Variants in EPB41 observed in about 807,000 individuals in gnomAD.
The protein encoded by EPB41 is erythrocyte membrane protein band 4.1.
Under a neutral mutation model 108.0 loss-of-function variants are expected in EPB41, and 65 were observed. The ratio of observed to expected loss-of-function variants is 0.60; its 90% CI spans 0.49 to 0.74. EPB41 has a LOEUF of 0.74. Among genes scored for constraint, EPB41 ranks in the 30% least tolerant of loss-of-function variants. The pLI is 0.00. For synonymous variants in EPB41, 336 were observed against 358.9 expected (o/e 0.94, Z 0.72); for missense variants, 875 against 1,037.0 (o/e 0.84, Z 2.15).
Position 28,943,805 on chromosome 1 carries a change from G to C in EPB41, c.-8+29037G>C, listed in dbSNP as rs982918605. ...ATAACCATTTTGGAGAAGTTTGGAG[G>C]TTCCTCAAAAGACTAAATATTGAGC... On this transcript the variant is annotated intron_variant, in intron 1 of 20. Transcript: ENST00000343067. 3.9e-5 allele frequency among the ~76,000 whole-genome samples: 6 copies of C among 152,266 alleles called. No individual in the cohort carries two copies. The East Asian group carries it at 1.2e-3, about 29-fold the overall frequency.
In EPB41 at chr1:29,118,101, T is replaced by TG. The variant is rs1273724115; in HGVS notation, c.*1293dup. On this transcript the variant is annotated 3_prime_UTR_variant, in exon 21 of 21. Coordinates refer to ENST00000343067, the MANE Select transcript of EPB41 (RefSeq NM_001376013.1). ...GATGCCCTAATTCCTGGTAAGGATT[T>TG]GGGGCATAGTTTTTTGTTTTTTTGA... 1 of 152,210 alleles carries TG rather than the reference T, an allele frequency of 6.6e-6. No homozygotes were observed. Among genetic ancestry groups the TG allele is most frequent in the African/African-American group, 2.4e-5 (1 of 41,436 alleles). 9.4% of individuals were successfully genotyped at this position (152,210 alleles called of 1,614,324 possible).
intron 1 of EPB41, among the ~76,000 whole-genome samples, chr1:28,895,223 G>C (rs1010604437): frequency 2.0e-5 from 3 of 152,176 alleles, no homozygotes; most frequent in Non-Finnish European, 2.9e-5. Flanking sequence ...ACATCCCACT[G>C]TGGCCCAGGG....
intron 18 of EPB41, among the ~76,000 whole-genome samples, chr1:29,110,028 A>T (rs1158778547): frequency 6.8e-6 from 1 of 147,470 alleles, no homozygotes; most frequent in Non-Finnish European, 1.5e-5. Context: ...AGCAGACTCT[A>T]TCTCAATAGA....
intron 1 of EPB41, among the ~76,000 whole-genome samples, chr1:28,972,419 A>C (rs2095516233): frequency 6.6e-6 from 1 of 152,244 alleles, no homozygotes; most frequent in Admixed American, 6.5e-5. Flanking sequence ...TCTCTAGAGA[A>C]GTAAAGAATG....
At position 28,968,912 on chromosome 1, in the gene EPB41, C is replaced by T. The variant is rs555881740; in HGVS notation, c.-7-18519C>T. Among the ~76,000 whole-genome samples, 6 of 151,336 alleles carry T rather than the reference C, an allele frequency of 4.0e-5. No homozygotes were observed. The South Asian group carries it at 1.3e-3, about 32-fold the overall frequency. On this transcript the variant is annotated intron_variant, in intron 1 of 20. Transcript: ENST00000343067. ...CCTGGGAGGCAGAAGTTACAGTGAGCTGAGATCGCACCACTGGACTCCAGC... is the reference window on the plus strand; with the variant it reads ...CCTGGGAGGCAGAAGTTACAGTGAGTTGAGATCGCACCACTGGACTCCAGC...
At chr1:29,043,838 A>G (rs1642380528) in intron 11 of EPB41, among the ~76,000 whole-genome samples, 1 of 152,226 alleles carries the variant, frequency 6.6e-6, no homozygotes, top group Non-Finnish European at 1.5e-5. Context: ...GACAGCCTGG[A>G]CTTGAGTGTT....
chr1:29,031,641 C>G (rs2096790379), intron 8 of EPB41: 1 of 152,210 alleles, frequency 6.6e-6, no homozygotes, highest in African/African-American at 2.4e-5. Flanking sequence ...CCAGGTTGTT[C>G]TGATGCACAC....
At chr1:28,917,523 C>G (rs1392785801) in intron 1 of EPB41, among the ~76,000 whole-genome samples, 2 of 152,134 alleles carry the variant, frequency 1.3e-5, no homozygotes, top group Non-Finnish European at 2.9e-5. Context: ...TCGTGATCCA[C>G]CCGCCTCGGC....
chr1:29,030,567 T>G, intron 8 of EPB41, 80 bp downstream of exon 8: 1 of 1,065,442 alleles, frequency 9.4e-7, no homozygotes, highest in Non-Finnish European at 1.5e-6. Flanking sequence ...GTATCACATC[T>G]GTGTCATATA....
intron 11 of EPB41, among the ~76,000 whole-genome samples, chr1:29,050,330 A>G (rs1644274524): frequency 6.6e-6 from 1 of 152,256 alleles, no homozygotes. Flanking sequence ...GAAGACATAA[A>G]TCATTTGGCT....
At chr1:28,897,585 GAGGGAAGGGA>G (rs143813468) in intron 1 of EPB41, among the ~76,000 whole-genome samples, 30 of 123,362 alleles carry the variant, frequency 2.4e-4, no homozygotes, top group African/African-American at 9.1e-4. Context: ...AAGGGAAGCG[GAGGGAAGGGA>G]AGGGAAGGGG....
At chr1:29,076,092 C>CT (rs1477591272) in intron 16 of EPB41, among the ~76,000 whole-genome samples, 1 of 152,176 alleles carries the variant, frequency 6.6e-6, no homozygotes, top group African/African-American at 2.4e-5. Flanking sequence ...AATTTTCTAT[C>CT]TTTTTCCACA....
chr1:29,075,026 G>A (rs1653311694), intron 16 of EPB41, among the ~76,000 whole-genome samples: 1 of 151,886 alleles, frequency 6.6e-6, no homozygotes, highest in Admixed American at 6.6e-5. Context: ...GCGTGGTGAT[G>A]GGCATCTGTA....
intron 1 of EPB41, among the ~76,000 whole-genome samples, chr1:28,978,489 A>G (rs2095660034): frequency 6.6e-6 from 1 of 151,584 alleles, no homozygotes; most frequent in South Asian, 2.1e-4. Flanking sequence ...AATATGGTTT[A>G]AGGAGATGCA....
intron 1 of EPB41, among the ~76,000 whole-genome samples, chr1:28,931,963 C>T (rs1470216152): frequency 6.6e-6 from 1 of 152,186 alleles, no homozygotes; most frequent in African/African-American, 2.4e-5. Flanking sequence ...AGTAAATCTA[C>T]TTCTGCATAG....
At chr1:28,902,258 T>C in intron 1 of EPB41, 11 of 985,472 alleles carry the variant, frequency 1.1e-5, no homozygotes, top group Non-Finnish European at 1.3e-5. Flanking sequence ...TGATTGCTTC[T>C]GATATTTTCT....
intron 9 of EPB41, among the ~76,000 whole-genome samples, chr1:29,034,590 T>A (rs1638656617): frequency 6.6e-6 from 1 of 152,204 alleles, no homozygotes. Context: ...AAAATAAATG[T>A]CAGTTTCCTT....
chr1:29,022,372 T>TAAAAAAAAAA (rs370103452), intron 7 of EPB41, among the ~76,000 whole-genome samples: 9 of 111,520 alleles, frequency 8.1e-5, no homozygotes, highest in African/African-American at 1.6e-4. Context: ...ATTGATATAA[T>TAAAAAAAAAA]AAAAAAAAAA....
intron 1 of EPB41, among the ~76,000 whole-genome samples, chr1:28,901,287 T>TGC (rs2091290471): frequency 2.1e-5 from 3 of 143,460 alleles, no homozygotes; most frequent in Admixed American, 7.2e-5. Flanking sequence ...TGCAGTGGCA[T>TGC]GATCTCGGCT....
Sources: allele counts gnomAD v4.1 joint callset (sites outside exome capture counted in the v4.1 genomes callset), GRCh38; gene constraint gnomAD v4.1.1; transcripts MANE v1.5; gene names NCBI Gene and HGNC (gene_info 2026-07-23, HGNC 2026-07-21).